HPCAL1: variants seen among roughly 807,000 people sequenced by gnomAD.
The protein encoded by HPCAL1 is hippocalcin-like protein 1.
A neutral mutation model predicts 17.1 loss-of-function variants in HPCAL1; 8 were observed. The ratio of observed to expected loss-of-function variants is 0.47; its 90% CI spans 0.27 to 0.84. HPCAL1 has a LOEUF of 0.84. HPCAL1 is among the 40% of genes least tolerant of loss of function. The pLI is 0.13. For missense variants in HPCAL1, 165 were observed against 271.1 expected (o/e 0.61, Z 2.75); for synonymous variants, 112 against 111.4 (o/e 1.01, Z -0.03).
intron 1 of HPCAL1, among the ~76,000 whole-genome samples, chr2:10,387,297 G>A (rs1335279812): frequency 2.0e-5 from 3 of 152,278 alleles, no homozygotes; most frequent in African/African-American, 4.8e-5. Context: ...GGATGCCCAC[G>A]GTACCGTGGA....
At chr2:10,385,396 G>C (rs1459938154) in intron 1 of HPCAL1, among the ~76,000 whole-genome samples, 1 of 152,148 alleles carries the variant, frequency 6.6e-6, no homozygotes, top group Non-Finnish European at 1.5e-5. Flanking sequence ...TGTGGGACAG[G>C]GCCCAGGAAT....
chr2:10,319,570 A>AGGGGGGGGG (rs1663536847), intron 1 of HPCAL1, among the ~76,000 whole-genome samples: 1 of 31,346 alleles, frequency 3.2e-5, no homozygotes, highest in Non-Finnish European at 9.3e-5. Context: ...GCTGACGGGC[A>AGGGGGGGGG]GGTGGGGTGG....
chr2:10,347,591 C>T (rs1031129730), intron 1 of HPCAL1, among the ~76,000 whole-genome samples: 2 of 152,128 alleles, frequency 1.3e-5, no homozygotes, highest in Non-Finnish European at 2.9e-5. Flanking sequence ...TCCTCAGCAC[C>T]CACCCTGCTT....
At chr2:10,390,018 G>A (rs543062179) in intron 1 of HPCAL1, among the ~76,000 whole-genome samples, 83 of 152,340 alleles carry the variant, frequency 5.4e-4, no homozygotes, top group African/African-American at 2.0e-3. Flanking sequence ...GAGCTCAAAT[G>A]CCCTGGTAGT....
chr2:10,354,537 T>C lies in HPCAL1; in HGVS notation c.-110-42298T>C, dbSNP rs576386834. 6.6e-6 allele frequency among the ~76,000 whole-genome samples: 1 copy of C among 152,320 alleles called. No individual in the cohort carries two copies. Among genetic ancestry groups the C allele is most frequent in the Admixed American group, 6.5e-5 (1 of 15,296 alleles). ...ACTTGCCAGGGTGTCCTGGGTTGGT[T>C]TGTTTTACAGAAGCAGAGCTCCCAG... On this transcript the variant is annotated intron_variant, in intron 1 of 4. Coordinates refer to ENST00000307845, the MANE Select transcript of HPCAL1 (RefSeq NM_002149.4). The surrounding 1 kb of genome is among the most constrained non-coding windows in gnomAD (Gnocchi z 5.1).
chr2:10,337,561 C>T (rs534969467), intron 1 of HPCAL1, among the ~76,000 whole-genome samples: 11 of 152,258 alleles, frequency 7.2e-5, no homozygotes, highest in Non-Finnish European at 1.2e-4. Context: ...CACAGCCTCC[C>T]TGTGGGGTTG....
intron 3 of HPCAL1, among the ~76,000 whole-genome samples, chr2:10,422,256 C>T (rs2148039439): frequency 6.6e-6 from 1 of 152,328 alleles, no homozygotes; most frequent in East Asian, 1.9e-4. Context: ...AGAAAATGGT[C>T]TGTTGTCAGG....
chr2:10,309,226 G>T (rs1438422919), intron 1 of HPCAL1, among the ~76,000 whole-genome samples: 4 of 152,096 alleles, frequency 2.6e-5, no homozygotes, highest in Non-Finnish European at 4.4e-5. Flanking sequence ...TGGAGACGAG[G>T]TCTTGCTATG....
At chr2:10,391,667 GTC>G (rs1330822779) in intron 1 of HPCAL1, among the ~76,000 whole-genome samples, 4 of 152,164 alleles carry the variant, frequency 2.6e-5, no homozygotes, top group African/African-American at 9.7e-5. Flanking sequence ...TCTACTTTCT[GTC>G]TCTGTTCTGG....
At chr2:10,416,602 C>T (rs62127074) in intron 2 of HPCAL1, among the ~76,000 whole-genome samples, 31,368 of 152,080 alleles carry the variant, frequency 0.21, 3,729 homozygotes, top group Non-Finnish European at 0.27. Flanking sequence ...AGCAAGATCC[C>T]TATCTCTACA....
chr2:10,347,754 T>C (rs1665562389), intron 1 of HPCAL1, among the ~76,000 whole-genome samples: 1 of 152,236 alleles, frequency 6.6e-6, no homozygotes, highest in Non-Finnish European at 1.5e-5. Flanking sequence ...GGATCCAGTA[T>C]GAAGCCTGGC....
chr2:10,329,551 A>G (rs1447918722), intron 1 of HPCAL1, among the ~76,000 whole-genome samples: 1 of 152,250 alleles, frequency 6.6e-6, no homozygotes, highest in Non-Finnish European at 1.5e-5. Flanking sequence ...TAGGTCCCCC[A>G]GAGGAACCAG....
chr2:10,362,582 T>C lies in HPCAL1; in HGVS notation c.-110-34253T>C, dbSNP rs1808316. On this transcript the variant is annotated intron_variant, in intron 1 of 4. Coordinates refer to ENST00000307845, the MANE Select transcript of HPCAL1 (RefSeq NM_002149.4). This position sits in a 1 kb window ranked among gnomAD's most constrained non-coding sequence, Gnocchi z 5.0. The stretch of plus-strand genomic sequence containing the variant: ...AGGCCTCCACGGTGTTCTGTTGTAA[T>C]GTTCTGCCACTTGGCAGCCTCACCA... 0.76 allele frequency among the ~76,000 whole-genome samples: 114,943 copies of C among 152,186 alleles called. 43,698 individuals carry two copies. The highest frequency in any genetic ancestry group is 0.99 in the East Asian group (5,092 of 5,168).
At chr2:10,351,431 A>G (rs56077749) in intron 1 of HPCAL1, among the ~76,000 whole-genome samples, 56,418 of 152,028 alleles carry the variant, frequency 0.37, 10,970 homozygotes, top group South Asian at 0.6. Context: ...GGGGAGTGGC[A>G]GTGAATGGGT....
intron 1 of HPCAL1, among the ~76,000 whole-genome samples, chr2:10,376,907 T>C (rs192550862): frequency 0.016 from 2,171 of 139,092 alleles, 117 homozygotes; most frequent in South Asian, 0.068. Flanking sequence ...CATAGCGTAT[T>C]GTATTGTGTG....
chr2:10,400,137 A>T (rs2125588486), intron 2 of HPCAL1, among the ~76,000 whole-genome samples: 1 of 152,312 alleles, frequency 6.6e-6, no homozygotes, highest in South Asian at 2.1e-4. Context: ...GCTTCTAGCT[A>T]AGGAGCAGCT....
intron 3 of HPCAL1, among the ~76,000 whole-genome samples, chr2:10,422,175 A>G (rs1265047091): frequency 6.6e-6 from 1 of 152,196 alleles, no homozygotes; most frequent in Non-Finnish European, 1.5e-5. Context: ...CCCCGACGCC[A>G]TCGATGGCTC....
At position 10,359,825 on chromosome 2, in the gene HPCAL1, C is replaced by T. The variant is rs563711829; in HGVS notation, c.-110-37010C>T. Reference sequence around the variant, plus strand: ...ATGTATTGTGAAGGCACAGGGAGGGCCCTTTCCAGAGCAGGCTGCATCTCC... The same window carrying T: ...ATGTATTGTGAAGGCACAGGGAGGGTCCTTTCCAGAGCAGGCTGCATCTCC... On this transcript the variant is annotated intron_variant, in intron 1 of 4. Transcript: ENST00000307845. The surrounding 1 kb of genome is among the most constrained non-coding windows in gnomAD (Gnocchi z 4.1). Among the ~76,000 whole-genome samples the T allele has an allele frequency of 1.1e-3, 162 of 152,276 alleles. No individual in the cohort carries two copies. Among genetic ancestry groups the T allele is most frequent in the Non-Finnish European group, 1.8e-3 (120 of 68,010 alleles).
intron 1 of HPCAL1, among the ~76,000 whole-genome samples, chr2:10,387,273 A>T (rs1394033953): frequency 6.6e-6 from 1 of 152,236 alleles, no homozygotes; most frequent in East Asian, 1.9e-4. Context: ...CAGGAAGGGC[A>T]TGGAGGAGCA....
Sources: gnomAD v4.1 joint callset for allele counts (sites outside exome capture counted in the v4.1 genomes callset) on GRCh38, gnomAD v4.1.1 for gene constraint, Gnocchi (gnomAD v3.1) non-coding constraint, MANE v1.5 for transcripts, NCBI Gene and HGNC (gene_info 2026-07-23, HGNC 2026-07-21) for gene names.